Variants in ANO10 observed in about 807,000 individuals in gnomAD.
The protein encoded by ANO10 is anoctamin-10.
In ANO10, 77 loss-of-function variants were observed where a neutral mutation model predicts 74.7. That is an observed-to-expected ratio of 1.03 (90% CI 0.86 to 1.25). The LOEUF (loss-of-function observed/expected upper bound fraction) is 1.25. Ranked by LOEUF, ANO10 falls within the 50% of genes most tolerant of loss-of-function variation. The pLI is 0.00. For missense variants in ANO10, 721 were observed against 778.1 expected (o/e 0.93, Z 0.87); for synonymous variants, 279 against 284.9 (o/e 0.98, Z 0.21).
rs17075814 is a variant in ANO10, at chr3:43,549,482, T to C, written c.1797+238A>G. 0.097 allele frequency among the ~76,000 whole-genome samples: 14,734 copies of C among 152,170 alleles called. 1,268 individuals carry two copies. The highest frequency in any genetic ancestry group is 0.22 in the African/African-American group (9,322 of 41,502). On this transcript the variant is annotated intron_variant, in intron 11 of 12. Transcript: ENST00000292246. ...CTACTTAGCACTGGGCAGGCCAGCA[T>C]AATAGTGGAAAAGTCACTTCCTGTT...
At chr3:43,588,112 A>G (rs36001509) in intron 4 of ANO10, among the ~76,000 whole-genome samples, 1 of 152,230 alleles carries the variant, frequency 6.6e-6, no homozygotes, top group African/African-American at 2.4e-5. Context: ...GATTTTGACT[A>G]CACATAGTAA....
intron 2 of ANO10, among the ~76,000 whole-genome samples, chr3:43,604,450 T>A (rs2082470649): frequency 6.6e-6 from 1 of 152,116 alleles, no homozygotes; most frequent in South Asian, 2.1e-4. Flanking sequence ...GACAAGTCAA[T>A]AACTATTCAG....
chr3:43,673,609 A>T (rs2084086396), intron 1 of ANO10, among the ~76,000 whole-genome samples: 1 of 152,198 alleles, frequency 6.6e-6, no homozygotes, highest in African/African-American at 2.4e-5. Context: ...TGGATTTACC[A>T]GGAAAAAACA....
intron 1 of ANO10, among the ~76,000 whole-genome samples, chr3:43,619,728 G>C (rs972112255): frequency 1.6e-4 from 24 of 151,824 alleles, no homozygotes; most frequent in Middle Eastern, 3.4e-3. Flanking sequence ...AGCTGGATAC[G>C]GTGAAGCTCT....
At chr3:43,458,210 G>A (rs1467084184) in intron 11 of ANO10, among the ~76,000 whole-genome samples, 3 of 152,078 alleles carry the variant, frequency 2.0e-5, no homozygotes, top group African/African-American at 7.2e-5. Context: ...TGTTATAAAT[G>A]CTGACCCCGG....
chr3:43,637,626 T>C (rs2083628318), intron 1 of ANO10: 2 of 150,100 alleles, frequency 1.3e-5, no homozygotes, highest in Non-Finnish European at 1.5e-5. Context: ...AGTAGGGCAG[T>C]GCACATCGTT....
At chr3:43,542,299 G>C (rs1231732575) in intron 11 of ANO10, among the ~76,000 whole-genome samples, 1 of 152,184 alleles carries the variant, frequency 6.6e-6, no homozygotes, top group South Asian at 2.1e-4. Flanking sequence ...GGATGAATGA[G>C]AGGGAGGGAG....
intron 11 of ANO10, among the ~76,000 whole-genome samples, chr3:43,528,006 T>C (rs1328947967): frequency 3.9e-5 from 6 of 151,916 alleles, no homozygotes; most frequent in Non-Finnish European, 5.9e-5. Flanking sequence ...AGGTAGAAAT[T>C]AACAGTCCTA....
intron 7 of ANO10, among the ~76,000 whole-genome samples, chr3:43,572,582 CCA>C (rs2080790560): frequency 6.6e-6 from 1 of 152,148 alleles, no homozygotes; most frequent in Non-Finnish European, 1.5e-5. Flanking sequence ...CCCTGCCCTG[CCA>C]GATACACAGA....
chr3:43,437,640 A>G (rs2093089958), intron 11 of ANO10, among the ~76,000 whole-genome samples: 1 of 152,176 alleles, frequency 6.6e-6, no homozygotes, highest in Admixed American at 6.5e-5. Context: ...CAGAGGCAGA[A>G]AGAAATTACA....
chr3:43,551,387 C>A, intron 10 of ANO10: 1 of 354,300 alleles, frequency 2.8e-6, no homozygotes, highest in Non-Finnish European at 5.6e-6. Flanking sequence ...TTTTTAAAAT[C>A]ACCTATATTG....
At chr3:43,442,370 A>G (rs914073159) in intron 11 of ANO10, among the ~76,000 whole-genome samples, 1 of 152,110 alleles carries the variant, frequency 6.6e-6, no homozygotes, top group Non-Finnish European at 1.5e-5. Flanking sequence ...AATCAGTTAC[A>G]TTTCTATATA....
chr3:43,589,255 T>C (rs1455470216), intron 4 of ANO10, among the ~76,000 whole-genome samples: 1 of 152,138 alleles, frequency 6.6e-6, no homozygotes, highest in African/African-American at 2.4e-5. Context: ...TATAATGACA[T>C]CTTAATAAAG....
chr3:43,382,290 C>A (rs1011135800), intron 12 of ANO10, among the ~76,000 whole-genome samples: 2 of 151,858 alleles, frequency 1.3e-5, no homozygotes, highest in African/African-American at 4.8e-5. Flanking sequence ...GAGGCCGAGG[C>A]GGGCGGATCA....
At chr3:43,477,910 C>T (rs992467530) in intron 11 of ANO10, among the ~76,000 whole-genome samples, 2 of 152,188 alleles carry the variant, frequency 1.3e-5, no homozygotes, top group Non-Finnish European at 2.9e-5. Flanking sequence ...CAGAGGCACA[C>T]ATAGGGAGTG....
chr3:43,565,638 G>A lies in ANO10; in HGVS notation c.1293+15C>T. 1.3e-6 allele frequency: 2 copies of A among 1,526,176 alleles called. No homozygotes were observed. The highest frequency in any genetic ancestry group is 5.1e-5 in the East Asian group (2 of 39,572). The allele number at this position is 1,526,176 out of a possible 1,614,324, so 94.5% of individuals were successfully genotyped here. On this transcript the variant is annotated intron_variant, in intron 8 of 12. Coordinates refer to ENST00000292246, the MANE Select transcript of ANO10 (RefSeq NM_018075.5). Reference sequence around the variant, plus strand: ...TGACCTAAAAAATTGGTATTTTTCTGTTATTTTTACTTACCTGGCGCAAAA... The same window carrying A: ...TGACCTAAAAAATTGGTATTTTTCTATTATTTTTACTTACCTGGCGCAAAA...
In ANO10 at chr3:43,431,054, A is replaced by G. The variant is rs146750585; in HGVS notation, c.1914+1557T>C. ...TATTTTTAATAATTTATTTTTAGCTATATAATCCTCTAATTTTCTTTTCTT... is the reference window on the plus strand; with the variant it reads ...TATTTTTAATAATTTATTTTTAGCTGTATAATCCTCTAATTTTCTTTTCTT... On this transcript the variant is annotated intron_variant, in intron 12 of 12. Coordinates refer to ENST00000292246, the MANE Select transcript of ANO10 (RefSeq NM_018075.5). 3.3e-3 allele frequency among the ~76,000 whole-genome samples: 501 copies of G among 151,286 alleles called. 3 individuals are homozygous for G. The highest frequency in any genetic ancestry group is 0.012 in the African/African-American group (477 of 41,232).
intron 7 of ANO10, among the ~76,000 whole-genome samples, chr3:43,566,562 C>T (rs2080359675): frequency 6.6e-6 from 1 of 152,212 alleles, no homozygotes. Flanking sequence ...GGAGGCACCC[C>T]CCAGCAGGGG....
At chr3:43,566,343 G>A (rs930231213) in intron 7 of ANO10, among the ~76,000 whole-genome samples, 20 of 152,270 alleles carry the variant, frequency 1.3e-4, no homozygotes, top group African/African-American at 4.8e-4. Flanking sequence ...CACAGCTGAA[G>A]GAGGCCTGCC....
Sources: allele counts gnomAD v4.1 joint callset (sites outside exome capture counted in the v4.1 genomes callset), GRCh38; gene constraint gnomAD v4.1.1; transcripts MANE v1.5; gene names NCBI Gene and HGNC (gene_info 2026-07-23, HGNC 2026-07-21).